ZFP90: variants seen among roughly 807,000 people sequenced by gnomAD.
ZFP90 encodes ZFP90 zinc finger protein.
Under a neutral mutation model 60.8 loss-of-function variants are expected in ZFP90, and 38 were observed. The ratio of observed to expected loss-of-function variants is 0.62; its 90% CI spans 0.48 to 0.82. The LOEUF is 0.82. Ranked by LOEUF, ZFP90 falls within the 40% of genes least tolerant of loss-of-function variation. The probability of loss-of-function intolerance (pLI) is 0.00; values close to 1 mark genes in which losing one functional copy is unlikely to be tolerated. For synonymous variants in ZFP90, 287 were observed against 264.8 expected, an observed-to-expected ratio of 1.08 and a Z score of -0.82; for missense variants, 711 against 759.1, an observed-to-expected ratio of 0.94 and a Z score of 0.74.
At position 68,565,440 on chromosome 16, in the gene ZFP90, A is replaced by G; in HGVS notation, c.*742A>G. On this transcript the variant is annotated 3_prime_UTR_variant, in exon 5 of 5. Transcript: ENST00000563169. ...TCTTAAAAGTATAAGTGGGAGCAAA[A>G]TGTATGCAAATTTATCACAAACTAT... The G allele has an allele frequency of 1.0e-6, 1 of 985,620 alleles. No individual in the cohort carries two copies. Among genetic ancestry groups the G allele is most frequent in the Non-Finnish European group, 1.2e-6 (1 of 829,950 alleles). The allele number at this position is 985,620 out of a possible 1,614,324, so 61.1% of individuals were successfully genotyped here.
intron 2 of ZFP90, among the ~76,000 whole-genome samples, chr16:68,541,598 G>A (rs192482817): frequency 2.9e-4 from 44 of 152,174 alleles, no homozygotes; most frequent in Middle Eastern, 6.8e-3. Context: ...GGCCCGGCCT[G>A]CGTTTTTATA....
chr16:68,543,083 A>G (rs1425037543), intron 2 of ZFP90, among the ~76,000 whole-genome samples: 1 of 152,136 alleles, frequency 6.6e-6, no homozygotes, highest in East Asian at 1.9e-4. Context: ...TGGTCAGGGT[A>G]AGCCTTATCC....
intron 2 of ZFP90, 54 bp downstream of exon 2, chr16:68,539,879 CT>C: frequency 6.3e-7 from 1 of 1,585,902 alleles, no homozygotes; most frequent in Non-Finnish European, 8.6e-7. Context: ...TCCATCCCAT[CT>C]CCCAAGGGTG....
At chr16:68,534,229 C>CTTTTTTTTTTTTT (rs1555496914) in intron 2 of ZFP90, among the ~76,000 whole-genome samples, 1 of 135,146 alleles carries the variant, frequency 7.4e-6, no homozygotes, top group African/African-American at 2.8e-5. Flanking sequence ...GATTTTCTTT[C>CTTTTTTTTTTTTT]TTTCTTTTTT....
Position 68,560,989 on chromosome 16 carries a change from G to A in ZFP90, c.257-2055G>A, listed in dbSNP as rs151248312. ...GTCTCACTGCAACCTCCACCTCCCG[G>A]GTTCAAGCAATGCTCCTGCCTCAGC... On this transcript the variant is annotated intron_variant, in intron 4 of 4. Coordinates refer to ENST00000563169, the MANE Select transcript of ZFP90 (RefSeq NM_001305203.2). Among the ~76,000 whole-genome samples the A allele has an allele frequency of 7.2e-5, 11 of 152,042 alleles. No individual in the cohort carries two copies. In the East Asian group the frequency reaches 1.9e-3, roughly 27 times the overall value.
upstream of ZFP90, among the ~76,000 whole-genome samples, chr16:68,536,600 G>A (rs940955000): frequency 4.6e-5 from 7 of 152,180 alleles, no homozygotes; most frequent in Non-Finnish European, 7.4e-5. Context: ...GCCTGGGTAC[G>A]GATTTTTCCT....
chr16:68,558,848 TC>T (rs1297514824), intron 4 of ZFP90, among the ~76,000 whole-genome samples: 1 of 152,188 alleles, frequency 6.6e-6, no homozygotes, highest in Non-Finnish European at 1.5e-5. Context: ...TGAATTGAAC[TC>T]CCGTATCTCT....
rs2091240587 is a variant in ZFP90 at position 68,550,420 on chromosome 16, T to C, written c.34-7578T>C. On this transcript the variant is annotated intron_variant, in intron 2 of 4. Coordinates refer to ENST00000563169, the MANE Select transcript of ZFP90 (RefSeq NM_001305203.2). The stretch of plus-strand genomic sequence containing the variant: ...GCATGTGCCACCACACCTAGGTAAT[T>C]TTTGTATTTTTGTAGAGACTAGGTT... Among the ~76,000 whole-genome samples, 3 of 152,126 alleles carry C rather than the reference T, an allele frequency of 2.0e-5. No homozygotes were observed. The South Asian group carries it at 6.2e-4, about 32-fold the overall frequency.
chr16:68,552,180 ATGAGATGCCC>A (rs1260701250), intron 2 of ZFP90, among the ~76,000 whole-genome samples: 9 of 152,250 alleles, frequency 5.9e-5, no homozygotes, highest in Non-Finnish European at 1.2e-4. Flanking sequence ...GACCTGTAGC[ATGAGATGCCC>A]TGAAGTTGAT....
chr16:68,538,910 T>A (rs925938710), upstream of ZFP90, among the ~76,000 whole-genome samples: 2 of 152,164 alleles, frequency 1.3e-5, no homozygotes, highest in African/African-American at 4.8e-5. Context: ...TGCCCCACCC[T>A]CTGACGCTGT....
chr16:68,569,478 T>C (rs1036901632), downstream of ZFP90, among the ~76,000 whole-genome samples: 3 of 152,202 alleles, frequency 2.0e-5, no homozygotes, highest in African/African-American at 4.8e-5. Flanking sequence ...AGCATTTGTT[T>C]TCCTATCCAG....
chr16:68,557,860 T>A, intron 2 of ZFP90, 138 bp from the exon 3 acceptor site: 1 of 1,197,272 alleles, frequency 8.4e-7, no homozygotes, highest in South Asian at 1.3e-5. Flanking sequence ...AACAATAAGT[T>A]TATGTAACCC....
intron 2 of ZFP90, chr16:68,533,953 G>T (rs2090943617): frequency 6.6e-6 from 1 of 152,150 alleles, no homozygotes; most frequent in Non-Finnish European, 1.5e-5. Flanking sequence ...TTATTCATCT[G>T]GCTTGGAGTG....
At chr16:68,547,780 G>A (rs889977753) in intron 2 of ZFP90, among the ~76,000 whole-genome samples, 1 of 151,388 alleles carries the variant, frequency 6.6e-6, no homozygotes, top group African/African-American at 2.4e-5. Context: ...CATAATGCTG[G>A]GATAAAATTC....
Position 68,565,165 on chromosome 16 carries a change from G to C in ZFP90, c.*467G>C. 1 of 992,344 alleles carries C rather than the reference G, an allele frequency of 1.0e-6. No homozygotes were observed. Among genetic ancestry groups the C allele is most frequent in the Non-Finnish European group, 1.2e-6 (1 of 834,438 alleles). 61.5% of individuals were successfully genotyped at this position (992,344 alleles called of 1,614,324 possible). On this transcript the variant is annotated 3_prime_UTR_variant, in exon 5 of 5. Transcript: ENST00000563169. Reference sequence around the variant, plus strand: ...CAGGAAGTCACCATTCAAAGAATTAGATCAACTAGCCCAACCACTTCATTG... The same window carrying C: ...CAGGAAGTCACCATTCAAAGAATTACATCAACTAGCCCAACCACTTCATTG...
chr16:68,566,417 T>TTC lies in ZFP90; in HGVS notation c.*1721_*1722dup, dbSNP rs1483172594. The TTC allele has an allele frequency of 2.9e-5, 29 of 985,448 alleles. No homozygotes were observed. The African/African-American group carries it at 4.0e-4, about 14-fold the overall frequency. 61.0% of individuals were successfully genotyped at this position (985,448 alleles called of 1,614,324 possible). On this transcript the variant is annotated 3_prime_UTR_variant, in exon 5 of 5. Transcript: ENST00000563169. ...TTGATGGTGAACCTTTCCTACTGGA[T>TTC]TCTTTGCATGCCACATAGCAGGATT...
chr16:68,538,830 C>T (rs1177850183), upstream of ZFP90, among the ~76,000 whole-genome samples: 1 of 152,154 alleles, frequency 6.6e-6, no homozygotes, highest in Non-Finnish European at 1.5e-5. Context: ...CAGGAGGCCA[C>T]GGATTTGTCC....
Position 68,565,996 on chromosome 16 carries a change from T to C in ZFP90, c.*1298T>C. Reference sequence around the variant, plus strand: ...AAAAAATCCAAAAATTAGCTGGGCATGGTGGCATGCAGTGGTAGTCCCAGC... The same window carrying C: ...AAAAAATCCAAAAATTAGCTGGGCACGGTGGCATGCAGTGGTAGTCCCAGC... On this transcript the variant is annotated 3_prime_UTR_variant, in exon 5 of 5. Coordinates refer to ENST00000563169, the MANE Select transcript of ZFP90 (RefSeq NM_001305203.2). The C allele has an allele frequency of 1.3e-6, 1 of 745,470 alleles. No homozygotes were observed. The highest frequency in any genetic ancestry group is 1.6e-6 in the Non-Finnish European group (1 of 612,636). 46.2% of individuals were successfully genotyped at this position (745,470 alleles called of 1,614,324 possible).
intron 2 of ZFP90, among the ~76,000 whole-genome samples, chr16:68,545,957 A>G (rs1394683932): frequency 1.3e-5 from 2 of 152,176 alleles, no homozygotes; most frequent in Non-Finnish European, 2.9e-5. Flanking sequence ...GGCGAATTGC[A>G]TGAGCCCAGG....
Sources: allele counts gnomAD v4.1 joint callset (sites outside exome capture counted in the v4.1 genomes callset), GRCh38; gene constraint gnomAD v4.1.1; transcripts MANE v1.5; gene names NCBI Gene and HGNC (gene_info 2026-07-23, HGNC 2026-07-21).